Variants in RPA3 observed in about 807,000 individuals in gnomAD.
RPA3 encodes the protein replication protein A3.
A neutral mutation model predicts 13.7 loss-of-function variants in RPA3; 24 were observed. That is an observed-to-expected ratio of 1.75 (90% CI 1.27 to 2.46). The LOEUF (loss-of-function observed/expected upper bound fraction) is 2.46. RPA3 is among the 30% of genes most tolerant of loss of function. RPA3 has a pLI of 0.00. For missense variants in RPA3, 183 were observed against 151.0 expected (o/e 1.21, Z -1.11); for synonymous variants, 59 against 51.2 (o/e 1.15, Z -0.65).
At chr7:7,660,886 T>C (rs1019589492) in intron 4 of RPA3, among the ~76,000 whole-genome samples, 1 of 152,256 alleles carries the variant, frequency 6.6e-6, no homozygotes. Context: ...GATAATATCC[T>C]GAAGAGTGTT....
intron 4 of RPA3, among the ~76,000 whole-genome samples, chr7:7,683,668 G>C (rs1462310790): frequency 6.6e-6 from 1 of 151,560 alleles, no homozygotes; most frequent in African/African-American, 2.4e-5. Context: ...TGTTGCCCAG[G>C]CTGGAGTGCA....
At chr7:7,673,017 G>C (rs1278230929) in intron 4 of RPA3, among the ~76,000 whole-genome samples, 2 of 152,154 alleles carry the variant, frequency 1.3e-5, no homozygotes, top group Admixed American at 6.5e-5. Flanking sequence ...CCAGATTCTC[G>C]TGTTATCTGT....
chr7:7,687,631 T>G (rs1189030979), intron 2 of RPA3, among the ~76,000 whole-genome samples: 5 of 152,170 alleles, frequency 3.3e-5, no homozygotes, highest in Non-Finnish European at 5.9e-5. Flanking sequence ...TAGCAGAACA[T>G]TATTAAAGAG....
chr7:7,684,171 A>G (rs1171894169), intron 4 of RPA3, among the ~76,000 whole-genome samples: 1 of 152,174 alleles, frequency 6.6e-6, no homozygotes, highest in African/African-American at 2.4e-5. Flanking sequence ...AATAATGACA[A>G]GAAAAGAAGC....
intron 6 of RPA3, 149 bp from the exon 7 acceptor site, chr7:7,638,121 G>T: frequency 3.8e-6 from 2 of 522,662 alleles, no homozygotes; most frequent in South Asian, 2.9e-5. Context: ...AATGTAACTT[G>T]TTAACAAATG....
At chr7:7,647,387 G>C (rs761935641) in intron 4 of RPA3, among the ~76,000 whole-genome samples, 1 of 152,060 alleles carries the variant, frequency 6.6e-6, no homozygotes, top group Non-Finnish European at 1.5e-5. Context: ...ATTATGTGAG[G>C]CTTGCTTTAA....
intron 4 of RPA3, among the ~76,000 whole-genome samples, chr7:7,671,748 A>G (rs1779609507): frequency 6.6e-6 from 1 of 151,836 alleles, no homozygotes; most frequent in Admixed American, 6.6e-5. Context: ...GTTTTTCACC[A>G]GTTTCATTAG....
chr7:7,661,299 C>G (rs867028553), intron 4 of RPA3, among the ~76,000 whole-genome samples: 1 of 152,112 alleles, frequency 6.6e-6, no homozygotes, highest in African/African-American at 2.4e-5. Context: ...TATTACCCAT[C>G]TCTGAAGCCT....
chr7:7,704,764 C>A, intron 2 of RPA3, among the ~76,000 whole-genome samples: 1 of 48,154 alleles, frequency 2.1e-5, no homozygotes, highest in Non-Finnish European at 3.5e-5. Flanking sequence ...GAGACTCCAT[C>A]TCAAAAAAAA....
intron 4 of RPA3, among the ~76,000 whole-genome samples, chr7:7,660,355 T>A (rs561991120): frequency 5.7e-4 from 87 of 152,356 alleles, no homozygotes; most frequent in African/African-American, 1.9e-3. Context: ...TTATGCCAGC[T>A]GGTTATTTTT....
intron 2 of RPA3, among the ~76,000 whole-genome samples, chr7:7,693,160 A>G (rs17481381): frequency 0.018 from 2,700 of 152,318 alleles, 29 homozygotes; most frequent in Non-Finnish European, 0.027. Context: ...TGAATCTCTC[A>G]GGGAGCTGTA....
chr7:7,673,420 C>G (rs1235117372), intron 4 of RPA3: 15 of 1,020,946 alleles, frequency 1.5e-5, no homozygotes, highest in Non-Finnish European at 2.2e-5. Context: ...GCCCTCAGTA[C>G]CAGAGACAGA....
At position 7,683,711 on chromosome 7, in the gene RPA3, C is replaced by T. The variant is rs1228200396; in HGVS notation, c.-758+2119G>A. Reference sequence around the variant, plus strand: ...GGTCTCTGTTCACTGCAATCTCCGCCTCCTGGGTTCAAGTGATTCTCCTGC... The same window carrying T: ...GGTCTCTGTTCACTGCAATCTCCGCTTCCTGGGTTCAAGTGATTCTCCTGC... On this transcript the variant is annotated intron_variant, in intron 4 of 7. Coordinates refer to ENST00000223129, the MANE Select transcript of RPA3 (RefSeq NM_002947.5). Among the ~76,000 whole-genome samples the T allele has an allele frequency of 3.3e-5, 5 of 151,972 alleles. No homozygotes were observed. The East Asian group carries it at 9.6e-4, about 29-fold the overall frequency.
intron 4 of RPA3, among the ~76,000 whole-genome samples, chr7:7,662,020 T>A (rs896747922): frequency 6.6e-6 from 1 of 152,120 alleles, no homozygotes; most frequent in Non-Finnish European, 1.5e-5. Flanking sequence ...AGAGGAGGAA[T>A]CTAGAGAGGC....
At chr7:7,662,974 T>G (rs1469793403) in intron 4 of RPA3, among the ~76,000 whole-genome samples, 1 of 150,918 alleles carries the variant, frequency 6.6e-6, no homozygotes, top group Non-Finnish European at 1.5e-5. Context: ...CATAATTTTC[T>G]CAAAAAAATT....
At chr7:7,711,547 T>G (rs1583763317) in intron 2 of RPA3, among the ~76,000 whole-genome samples, 1 of 152,336 alleles carries the variant, frequency 6.6e-6, no homozygotes, top group African/African-American at 2.4e-5. Context: ...TTTATCAGTC[T>G]GTTGGTTAGA....
chr7:7,699,000 G>GTGC (rs981110025), intron 2 of RPA3, among the ~76,000 whole-genome samples: 2 of 150,984 alleles, frequency 1.3e-5, no homozygotes, highest in Admixed American at 1.3e-4. Context: ...GACTACAGGA[G>GTGC]TGCACCATCA....
At chr7:7,683,367 A>T (rs1018987022) in intron 4 of RPA3, among the ~76,000 whole-genome samples, 3 of 152,176 alleles carry the variant, frequency 2.0e-5, no homozygotes, top group African/African-American at 7.2e-5. Flanking sequence ...ATGATTCTAG[A>T]GTTCATGCAA....
chr7:7,661,523 C>G (rs1464996065), intron 4 of RPA3, among the ~76,000 whole-genome samples: 1 of 152,148 alleles, frequency 6.6e-6, no homozygotes, highest in Non-Finnish European at 1.5e-5. Flanking sequence ...GATGTTGATG[C>G]TCCTCCTTTC....
Sources: gnomAD v4.1 joint callset for allele counts (sites outside exome capture counted in the v4.1 genomes callset) on GRCh38, gnomAD v4.1.1 for gene constraint, MANE v1.5 for transcripts, NCBI Gene and HGNC (gene_info 2026-07-23, HGNC 2026-07-21) for gene names.